CPAMD8: variants seen among roughly 807,000 people sequenced by gnomAD.
CPAMD8 encodes the protein C3 and PZP like alpha-2-macroglobulin domain containing 8, also known as C3 and PZP-like alpha-2-macroglobulin domain-containing protein 8.
CPAMD8 carries 146 observed loss-of-function variants against 224.7 expected under a neutral mutation model. That is an observed-to-expected ratio of 0.65 (90% CI 0.57 to 0.75). The LOEUF (loss-of-function observed/expected upper bound fraction) is 0.75. CPAMD8 is among the 30% of genes least tolerant of loss of function. The probability of loss-of-function intolerance (pLI) is 0.00; values close to 1 mark genes in which losing one functional copy is unlikely to be tolerated. For missense variants in CPAMD8, 2,301 were observed against 2,537.5 expected (o/e 0.91, Z 2.00); for synonymous variants, 966 against 1,044.6 (o/e 0.92, Z 1.45).
At chr19:17,018,837 G>T (rs570934787) in intron 3 of CPAMD8, among the ~76,000 whole-genome samples, 1 of 150,680 alleles carries the variant, frequency 6.6e-6, no homozygotes, top group South Asian at 2.1e-4. Context: ...TGAAACCAGG[G>T]TCAGAGGTTG....
chr19:16,987,901 C>T (rs1251291029), intron 13 of CPAMD8, among the ~76,000 whole-genome samples: 1 of 151,814 alleles, frequency 6.6e-6, no homozygotes, highest in Non-Finnish European at 1.5e-5. Flanking sequence ...TGGGCTCAAG[C>T]AATCCTCCCG....
In CPAMD8 at chr19:16,904,301, G is replaced by A. The variant is rs1241478410; in HGVS notation, c.4176C>T (p.Asp1392=). The A allele has an allele frequency of 3.1e-6, 5 of 1,612,782 alleles. No individual in the cohort carries two copies. The highest frequency in any genetic ancestry group is 4.2e-6 in the Non-Finnish European group (5 of 1,179,596). The change falls in exon 32 of 42, where the codon GAC becomes GAT. Residue 1392 remains aspartate (D), a synonymous_variant. Coordinates refer to ENST00000443236, the MANE Select transcript of CPAMD8 (RefSeq NM_015692.5). The part of the protein sequence containing the change: ...YALLTYTLLG[D]VAAALPVVKW... ...TCACCACAGGCAGGGCGGCAGCCAC[G>A]TCACCCAGCAGAGTGTAGGTCAGAA...
intron 35 of CPAMD8, among the ~76,000 whole-genome samples, chr19:16,901,790 T>C (rs577355055): frequency 1.3e-5 from 2 of 152,250 alleles, no homozygotes; most frequent in South Asian, 4.1e-4. Context: ...AGGCGCTTCC[T>C]ATAGGGCGTT....
chr19:16,929,708 C>G (rs1206223018), intron 23 of CPAMD8, among the ~76,000 whole-genome samples: 1 of 152,092 alleles, frequency 6.6e-6, no homozygotes, highest in Non-Finnish European at 1.5e-5. Context: ...AAGCAAGATT[C>G]TCTCTCTAAA....
At chr19:16,934,832 T>C (rs116547542) in intron 23 of CPAMD8, among the ~76,000 whole-genome samples, 2,274 of 152,296 alleles carry the variant, frequency 0.015, 38 homozygotes, top group Middle Eastern at 0.037. Flanking sequence ...TGTACCATCT[T>C]AACCATTTTT....
intron 29 of CPAMD8, among the ~76,000 whole-genome samples, chr19:16,913,667 G>A (rs1376809921): frequency 1.3e-5 from 2 of 152,170 alleles, no homozygotes; most frequent in African/African-American, 4.8e-5. Flanking sequence ...AATTTGGTCA[G>A]GGGAGAACCA....
chr19:16,946,374 G>A (rs1311659616), intron 21 of CPAMD8, among the ~76,000 whole-genome samples: 1 of 146,748 alleles, frequency 6.8e-6, no homozygotes, highest in East Asian at 2.0e-4. Flanking sequence ...TGTGTGTGTG[G>A]ATTTGTGTGT....
chr19:16,897,799 A>G lies in CPAMD8; in HGVS notation c.4957T>C (p.Phe1653Leu). The change falls in exon 39 of 42, where the codon TTC becomes CTC. Residue 1653 changes from phenylalanine (F) to leucine (L), a missense_variant and splice_region_variant. Around this residue, in one of 4 missense-constraint regions of CPAMD8, gnomAD observed 1,709 missense variants for 1,753.2 expected, o/e 0.97. Transcript: ENST00000443236. ...VSVYDYYEPA[F>L]EATRFYNVST... ...ACGTTGTAGAAGCGAGTGGCCTCGA[A>G]GGCTACGGGACGAGGGTGGCGGGTG... 1 of 1,581,518 alleles carries G rather than the reference A, an allele frequency of 6.3e-7. No homozygotes were observed.
intron 27 of CPAMD8, among the ~76,000 whole-genome samples, chr19:16,921,279 C>A (rs1219816677): frequency 6.6e-6 from 1 of 152,090 alleles, no homozygotes; most frequent in Admixed American, 6.5e-5. Flanking sequence ...CAGCTGCTGT[C>A]GGCACTACCA....
At chr19:16,897,864 C>G (rs1440050203) in intron 38 of CPAMD8, 25 bp downstream of exon 38, 1 of 1,589,794 alleles carries the variant, frequency 6.3e-7, no homozygotes, top group Admixed American at 1.8e-5. Context: ...CGGGCCGGGC[C>G]GGGGGTGCGG....
chr19:16,976,152 CT>C lies in CPAMD8; in HGVS notation c.1759-2del. ...CATTTGCTGAATACGTCACTGAAACCTTGGCGCAAATGCAGCAAGGGATAAG... is the reference window on the plus strand; with the variant it reads ...CATTTGCTGAATACGTCACTGAAACCTGGCGCAAATGCAGCAAGGGATAAG... On this transcript the variant is annotated splice_acceptor_variant, in intron 15 of 41. Coordinates refer to ENST00000443236, the MANE Select transcript of CPAMD8 (RefSeq NM_015692.5). LOFTEE classifies it high-confidence loss of function. 1.2e-6 allele frequency: 2 copies of C among 1,609,772 alleles called. No homozygotes were observed. The highest frequency in any genetic ancestry group is 1.7e-6 in the Non-Finnish European group (2 of 1,177,810).
intron 30 of CPAMD8, among the ~76,000 whole-genome samples, chr19:16,905,998 A>T (rs981823831): frequency 6.6e-6 from 1 of 151,748 alleles, no homozygotes; most frequent in Non-Finnish European, 1.5e-5. Context: ...CCTGTCTCCC[A>T]GCACCCCTGT....
At chr19:16,990,043 G>T (rs906708146) in intron 12 of CPAMD8, among the ~76,000 whole-genome samples, 8 of 152,206 alleles carry the variant, frequency 5.3e-5, no homozygotes, top group African/African-American at 1.9e-4. Flanking sequence ...CCTGAGGCCA[G>T]GAGTTCGAGA....
chr19:16,976,249 G>A, intron 15 of CPAMD8, 98 bp from the exon 16 acceptor site: 1 of 949,372 alleles, frequency 1.1e-6, no homozygotes, highest in South Asian at 1.7e-5. Context: ...GCCGAGGCGG[G>A]TGGATCACCT....
At chr19:16,945,782 T>TGTGTGTGTGC (rs2054054065) in intron 21 of CPAMD8, 103 bp from the exon 22 acceptor site, 1 of 1,037,718 alleles carries the variant, frequency 9.6e-7, no homozygotes, top group African/African-American at 1.6e-5. Flanking sequence ...CATGCATGTG[T>TGTGTGTGTGC]GTGTGTGTGC....
chr19:17,015,506 C>T (rs2056787335), intron 3 of CPAMD8, among the ~76,000 whole-genome samples: 1 of 152,150 alleles, frequency 6.6e-6, no homozygotes, highest in Non-Finnish European at 1.5e-5. Flanking sequence ...GCCCTCTCTC[C>T]AGCCACCCAC....
intron 10 of CPAMD8, among the ~76,000 whole-genome samples, chr19:16,997,901 G>A (rs1007860708): frequency 3.3e-5 from 5 of 152,086 alleles, no homozygotes; most frequent in Admixed American, 1.3e-4. Context: ...AACAGAGGGG[G>A]CAGCTGAACC....
intron 35 of CPAMD8, among the ~76,000 whole-genome samples, chr19:16,902,386 G>A (rs577241729): frequency 3.9e-5 from 6 of 152,110 alleles, no homozygotes; most frequent in South Asian, 2.1e-4. Flanking sequence ...GCATGATGGC[G>A]GGCACCTGTA....
In CPAMD8 at chr19:16,904,281, A is replaced by C; in HGVS notation, c.4196T>G (p.Val1399Gly). The part of the protein sequence containing the change: ...LLGDVAAALP[V>G]VKWLSQQRNA... ...TCGCTGCTGGGACAGCCACTTCACC[A>C]CAGGCAGGGCGGCAGCCACGTCACC... The change falls in exon 32 of 42, where the codon GTG becomes GGG. Residue 1399 changes from valine (V) to glycine (G), a missense_variant. By Grantham distance (109) the Val-to-Gly change is moderately radical. Coordinates refer to ENST00000443236, the MANE Select transcript of CPAMD8 (RefSeq NM_015692.5). 1 of 1,607,804 alleles carries C rather than the reference A, an allele frequency of 6.2e-7. No individual in the cohort carries two copies. The highest frequency in any genetic ancestry group is 8.5e-7 in the Non-Finnish European group (1 of 1,178,008).
Sources: allele counts gnomAD v4.1 joint callset (sites outside exome capture counted in the v4.1 genomes callset), GRCh38; gene constraint gnomAD v4.1.1; regional missense constraint gnomAD v4.1.1; transcripts MANE v1.5; gene names NCBI Gene and HGNC (gene_info 2026-07-23, HGNC 2026-07-21).